TOM1L1: variants seen among roughly 807,000 people sequenced by gnomAD.
TOM1L1 encodes the protein TOM1-like protein 1.
In TOM1L1, 64 loss-of-function variants were observed where a neutral mutation model predicts 63.4. The observed-to-expected ratio is 1.01, with a 90% CI of 0.83 to 1.24. The LOEUF (loss-of-function observed/expected upper bound fraction) is 1.24. Ranked by LOEUF, TOM1L1 falls within the 50% of genes most tolerant of loss-of-function variation. The pLI is 0.00. For synonymous variants in TOM1L1, 166 were observed against 194.4 expected (o/e 0.85, Z 1.22); for missense variants, 536 against 567.0 (o/e 0.95, Z 0.55).
rs367549684 is a variant in TOM1L1, at chr17:54,960,539, C to G, written c.1371-27C>G. On this transcript the variant is annotated intron_variant, in intron 14 of 15. Transcript: ENST00000575882. ...TAGCACTTTGAAATTGATACATAAC[C>G]CTTTTGCTGTGATGGCTTTGTTTCA... is the stretch of plus-strand genomic sequence containing the variant. 1.9e-5 allele frequency: 30 copies of G among 1,596,698 alleles called. No individual in the cohort carries two copies. The African/African-American group carries it at 3.8e-4, about 20-fold the overall frequency.
At chr17:54,905,638 A>T (rs1201613375) in intron 3 of TOM1L1, 71 bp downstream of exon 3, 2 of 972,014 alleles carry the variant, frequency 2.1e-6, no homozygotes, top group African/African-American at 1.6e-5. Flanking sequence ...AATCCTGGGT[A>T]AAAAATAAGA....
At chr17:54,906,808 A>G in intron 3 of TOM1L1, 2 of 985,404 alleles carry the variant, frequency 2.0e-6, no homozygotes, top group African/African-American at 3.5e-5. Context: ...TTTTTACTTT[A>G]GTATGTGTTG....
intron 14 of TOM1L1, among the ~76,000 whole-genome samples, chr17:54,959,780 A>G (rs1268651641): frequency 6.6e-6 from 1 of 152,070 alleles, no homozygotes; most frequent in South Asian, 2.1e-4. Flanking sequence ...ACCACACATG[A>G]TAATTTTTAT....
chr17:54,949,752 A>G, intron 13 of TOM1L1, 129 bp downstream of exon 13: 1 of 812,706 alleles, frequency 1.2e-6, no homozygotes, highest in Non-Finnish European at 2.0e-6. Context: ...AGCTAATGAA[A>G]CAAATTCAGG....
At chr17:54,953,686 C>G (rs1007341272) in intron 14 of TOM1L1, 8 of 152,354 alleles carry the variant, frequency 5.3e-5, no homozygotes, top group African/African-American at 1.9e-4. Context: ...CCTGGGCTTC[C>G]TGAAGTAGTC....
intron 7 of TOM1L1, among the ~76,000 whole-genome samples, chr17:54,926,463 T>G (rs1043177746): frequency 3.9e-5 from 6 of 152,162 alleles, no homozygotes; most frequent in Non-Finnish European, 7.3e-5. Context: ...TCTTTTTGTT[T>G]GTTTGTTTGT....
chr17:54,949,056 A>G (rs2049166976), intron 12 of TOM1L1, among the ~76,000 whole-genome samples: 1 of 152,030 alleles, frequency 6.6e-6, no homozygotes, highest in Non-Finnish European at 1.5e-5. Context: ...TTTTTGAGAC[A>G]GGGTCTCATT....
At chr17:54,937,351 T>A in intron 10 of TOM1L1, 125 bp downstream of exon 10, 1 of 775,658 alleles carries the variant, frequency 1.3e-6, no homozygotes, top group Non-Finnish European at 2.2e-6. Context: ...GAGCGCTATG[T>A]TAGGAGATGT....
chr17:54,913,155 A>T (rs2048522925), intron 4 of TOM1L1, among the ~76,000 whole-genome samples: 2 of 152,226 alleles, frequency 1.3e-5, no homozygotes, highest in South Asian at 4.1e-4. Context: ...GTTATTTTAG[A>T]ATCTATTAAT....
intron 4 of TOM1L1, among the ~76,000 whole-genome samples, chr17:54,913,292 C>T (rs913752149): frequency 6.6e-6 from 1 of 152,066 alleles, no homozygotes; most frequent in African/African-American, 2.4e-5. Flanking sequence ...AGCATTTTGC[C>T]CATGGCATTC....
intron 14 of TOM1L1, chr17:54,955,255 C>A (rs890058600): frequency 6.6e-6 from 1 of 152,248 alleles, no homozygotes; most frequent in African/African-American, 2.4e-5. Context: ...TCGGTCCGGG[C>A]AGCCTCCCAG....
chr17:54,938,917 GT>G lies in TOM1L1; in HGVS notation c.1034-3del. 6.3e-7 allele frequency: 1 copy of G among 1,590,962 alleles called. No individual in the cohort carries two copies. Among genetic ancestry groups the G allele is most frequent in the Non-Finnish European group, 8.6e-7 (1 of 1,164,442 alleles). ...TTAAAGCCAAACAAGTCCATTTTGT[GT>G]TTTAGATTTCAGCCTTCCAAGTTCT... On this transcript the variant is annotated splice_polypyrimidine_tract_variant and splice_region_variant and intron_variant, in intron 10 of 15. Coordinates refer to ENST00000575882, the MANE Select transcript of TOM1L1 (RefSeq NM_005486.3).
intron 14 of TOM1L1, chr17:54,952,564 A>AG (rs1160474825): frequency 6.6e-6 from 1 of 152,234 alleles, no homozygotes; most frequent in African/African-American, 2.4e-5. Flanking sequence ...AAAAAAAAAA[A>AG]AAAATATGGC....
intron 11 of TOM1L1, among the ~76,000 whole-genome samples, chr17:54,939,535 T>C (rs1357384180): frequency 6.6e-6 from 1 of 152,122 alleles, no homozygotes; most frequent in African/African-American, 2.4e-5. Flanking sequence ...TTTTTGTTTA[T>C]TTCATCTAAT....
intron 7 of TOM1L1, among the ~76,000 whole-genome samples, chr17:54,929,246 G>A (rs146398831): frequency 6.6e-6 from 1 of 152,216 alleles, no homozygotes; most frequent in East Asian, 1.9e-4. Flanking sequence ...TAAGGCAGAA[G>A]TTCTTAAATA....
intron 14 of TOM1L1, chr17:54,954,759 A>T (rs985862329): frequency 1.3e-5 from 2 of 152,340 alleles, no homozygotes; most frequent in East Asian, 3.9e-4. Flanking sequence ...AGAATTGGCA[A>T]TATAGTTCCC....
chr17:54,916,091 T>G (rs1035905308), intron 7 of TOM1L1: 2 of 480,164 alleles, frequency 4.2e-6, no homozygotes, highest in Non-Finnish European at 7.3e-6. Flanking sequence ...TTATTATAAG[T>G]TATAACCTTG....
At chr17:54,906,530 A>G (rs1342572591) in intron 3 of TOM1L1, among the ~76,000 whole-genome samples, 2 of 152,036 alleles carry the variant, frequency 1.3e-5, no homozygotes, top group African/African-American at 2.4e-5. Flanking sequence ...ATTTAAGATG[A>G]GGAGAATTGA....
intron 11 of TOM1L1, among the ~76,000 whole-genome samples, chr17:54,943,479 T>TGTGA (rs748237003): frequency 4.3e-4 from 64 of 150,324 alleles, no homozygotes; most frequent in African/African-American, 1.4e-3. Context: ...TGTGTGTGTG[T>TGTGA]GAAATAAAGT....
Sources: gnomAD v4.1 joint callset for allele counts (sites outside exome capture counted in the v4.1 genomes callset) on GRCh38, gnomAD v4.1.1 for gene constraint, MANE v1.5 for transcripts, NCBI Gene and HGNC (gene_info 2026-07-23, HGNC 2026-07-21) for gene names.